INPP4B: variants seen among roughly 807,000 people sequenced by gnomAD.
INPP4B encodes the protein inositol polyphosphate-4-phosphatase type II B.
INPP4B carries 55 observed loss-of-function variants against 122.5 expected under a neutral mutation model. That is an observed-to-expected ratio of 0.45 (90% CI 0.36 to 0.56). The LOEUF (loss-of-function observed/expected upper bound fraction) is 0.56, where lower values mean the gene tolerates loss of function less well. Among genes scored for constraint, INPP4B ranks in the 20% least tolerant of loss-of-function variants. INPP4B has a pLI of 0.00. For synonymous variants in INPP4B, 403 were observed against 388.7 expected (o/e 1.04, Z -0.43); for missense variants, 1,000 against 1,097.7 (o/e 0.91, Z 1.26).
At chr4:142,607,845 G>C (rs1201904710) in intron 2 of INPP4B, among the ~76,000 whole-genome samples, 1 of 152,062 alleles carries the variant, frequency 6.6e-6, no homozygotes, top group Non-Finnish European at 1.5e-5. Flanking sequence ...GAAAAGACAA[G>C]ACCTTTCCAC....
chr4:142,419,402 T>G lies in INPP4B; in HGVS notation c.136+9771A>C, dbSNP rs569043008. ...TGGGATAAAACTGACATTCTAAATT[T>G]GAGCAAATTTTGACCTGGGAATACC... On this transcript the variant is annotated intron_variant, in intron 5 of 25. Coordinates refer to ENST00000262992, the MANE Select transcript of INPP4B (RefSeq NM_001101669.3). 2.0e-5 allele frequency among the ~76,000 whole-genome samples: 3 copies of G among 152,254 alleles called. No homozygotes were observed. In the South Asian group the frequency reaches 6.2e-4, roughly 32 times the overall value.
intron 1 of INPP4B, among the ~76,000 whole-genome samples, chr4:142,814,615 A>C (rs577775060): frequency 1.3e-5 from 2 of 152,198 alleles, no homozygotes; most frequent in South Asian, 4.1e-4. Context: ...GGCTGACCTA[A>C]AAGCTACACA....
At chr4:142,685,727 T>TC (rs201749531) in intron 2 of INPP4B, among the ~76,000 whole-genome samples, 1 of 151,832 alleles carries the variant, frequency 6.6e-6, no homozygotes, top group Admixed American at 6.6e-5. Flanking sequence ...ACAACTGCAC[T>TC]CCCCCCTGGG....
chr4:142,665,713 TA>T (rs1408948199), intron 2 of INPP4B, among the ~76,000 whole-genome samples: 1 of 152,102 alleles, frequency 6.6e-6, no homozygotes, highest in Non-Finnish European at 1.5e-5. Context: ...TGTGAAATGA[TA>T]AAAAATTCAG....
Position 142,025,748 on chromosome 4 carries a change from A to G in INPP4B, c.*3034T>C, listed in dbSNP as rs1386546024. ...TTTTCAGAAGAGGGGTTAGTCTTAT[A>G]AAATAAGGGCTGGAGGCTGGGTCCA... On this transcript the variant is annotated 3_prime_UTR_variant, in exon 26 of 26. Coordinates refer to ENST00000262992, the MANE Select transcript of INPP4B (RefSeq NM_001101669.3). The G allele has an allele frequency of 2.0e-5, 3 of 152,312 alleles. No homozygotes were observed. The highest frequency in any genetic ancestry group is 4.4e-5 in the Non-Finnish European group (3 of 68,034). 9.4% of individuals were successfully genotyped at this position (152,312 alleles called of 1,614,324 possible).
rs540029231 is a variant in INPP4B, at chr4:142,495,629, A to T, written c.-190-32903T>A. Among the ~76,000 whole-genome samples the T allele has an allele frequency of 2.3e-3, 345 of 152,254 alleles. 1 individual carries two copies. Among genetic ancestry groups the T allele is most frequent in the African/African-American group, 8.0e-3 (334 of 41,562 alleles). ...CCCAAATCCTTAAGCATCCTTAAGA[A>T]AAAGGTGCCAGCACTCTGCATTGTC... On this transcript the variant is annotated intron_variant, in intron 2 of 25. Coordinates refer to ENST00000262992, the MANE Select transcript of INPP4B (RefSeq NM_001101669.3).
intron 7 of INPP4B, chr4:142,384,108 G>A: frequency 1.4e-6 from 1 of 702,136 alleles, no homozygotes; most frequent in Non-Finnish European, 2.6e-6. Context: ...TTCTGGATGA[G>A]TTAGCTATCT....
chr4:142,537,429 TAGAGAGAGAG>T (rs1157643466), intron 2 of INPP4B, among the ~76,000 whole-genome samples: 1,848 of 25,296 alleles, frequency 0.073, 105 homozygotes, highest in East Asian at 0.18. Context: ...TATATATATA[TAGAGAGAGAG>T]AGAGAGAGAG....
chr4:142,486,912 G>A (rs1222826494), intron 2 of INPP4B, among the ~76,000 whole-genome samples: 1 of 152,118 alleles, frequency 6.6e-6, no homozygotes, highest in East Asian at 1.9e-4. Context: ...GTCTCTTGTG[G>A]ACATTGTATT....
intron 9 of INPP4B, among the ~76,000 whole-genome samples, chr4:142,291,330 A>G (rs987873404): frequency 2.6e-5 from 4 of 152,186 alleles, no homozygotes; most frequent in African/African-American, 9.6e-5. Flanking sequence ...ACGTACAAAG[A>G]AAGATCGACT....
intron 2 of INPP4B, among the ~76,000 whole-genome samples, chr4:142,538,803 A>T (rs1375288678): frequency 6.6e-6 from 1 of 152,030 alleles, no homozygotes; most frequent in African/African-American, 2.4e-5. Flanking sequence ...TTTTAACAAA[A>T]CATGTGTCCT....
intron 18 of INPP4B, among the ~76,000 whole-genome samples, chr4:142,130,945 A>G (rs959128600): frequency 6.6e-6 from 1 of 152,226 alleles, no homozygotes; most frequent in Non-Finnish European, 1.5e-5. Flanking sequence ...AACAACTGAT[A>G]TCCTGGTTAA....
chr4:142,186,021 C>A (rs1176888993), intron 15 of INPP4B, among the ~76,000 whole-genome samples: 1 of 151,560 alleles, frequency 6.6e-6, no homozygotes, highest in Non-Finnish European at 1.5e-5. Context: ...TGGTTCTAAT[C>A]AAAAACTTAG....
intron 21 of INPP4B, among the ~76,000 whole-genome samples, chr4:142,120,275 G>GT (rs1320925632): frequency 6.6e-6 from 1 of 152,078 alleles, no homozygotes; most frequent in Non-Finnish European, 1.5e-5. Flanking sequence ...GTCAGAAAGT[G>GT]TAAGTTTTTC....
intron 2 of INPP4B, among the ~76,000 whole-genome samples, chr4:142,697,029 T>A (rs537548016): frequency 3.3e-5 from 5 of 152,312 alleles, no homozygotes; most frequent in Admixed American, 2.0e-4. Flanking sequence ...TTTAAAAGGA[T>A]GTCAGTTACA....
At chr4:142,029,029 C>A in intron 25 of INPP4B, 115 bp from the exon 26 acceptor site, 1 of 1,435,138 alleles carries the variant, frequency 7.0e-7, no homozygotes, top group South Asian at 1.6e-5. Context: ...AGATTCAACT[C>A]TACATTTTTT....
chr4:142,845,795 C>T (rs1009809481), intron 1 of INPP4B, among the ~76,000 whole-genome samples: 3 of 152,058 alleles, frequency 2.0e-5, no homozygotes, highest in African/African-American at 7.2e-5. Flanking sequence ...GAGCGAGTGC[C>T]CGGGCCAACC....
chr4:142,406,521 G>A (rs771106231), intron 5 of INPP4B, among the ~76,000 whole-genome samples: 1 of 152,172 alleles, frequency 6.6e-6, no homozygotes, highest in Non-Finnish European at 1.5e-5. Context: ...GAAGTACAAG[G>A]AGATAGAAAA....
At chr4:142,565,452 G>A (rs556059480) in intron 2 of INPP4B, among the ~76,000 whole-genome samples, 1 of 152,288 alleles carries the variant, frequency 6.6e-6, no homozygotes, top group Non-Finnish European at 1.5e-5. Flanking sequence ...TCATGTGTCT[G>A]TACTAACACA....
Sources: gnomAD v4.1 joint callset for allele counts (sites outside exome capture counted in the v4.1 genomes callset) on GRCh38, gnomAD v4.1.1 for gene constraint, MANE v1.5 for transcripts, NCBI Gene and HGNC (gene_info 2026-07-23, HGNC 2026-07-21) for gene names.